Variants in SEZ6L observed in about 807,000 individuals in gnomAD.
SEZ6L encodes seizure related 6 homolog like, also known as seizure 6-like protein.
Under a neutral mutation model 106.2 loss-of-function variants are expected in SEZ6L, and 37 were observed. The observed-to-expected ratio is 0.35, with a 90% CI of 0.27 to 0.46. SEZ6L has a LOEUF of 0.46. Among genes scored for constraint, SEZ6L ranks in the 20% least tolerant of loss-of-function variants. SEZ6L has a pLI of 1.00. For synonymous variants in SEZ6L, 541 were observed against 570.4 expected (o/e 0.95, Z 0.73); for missense variants, 1,172 against 1,332.8 (o/e 0.88, Z 1.88).
At chr22:26,294,535 C>A (rs2081234875) in intron 3 of SEZ6L, 110 bp downstream of exon 3, 2 of 1,078,818 alleles carry the variant, frequency 1.9e-6, no homozygotes, top group Non-Finnish European at 2.7e-6. Context: ...TCTGTCTTTG[C>A]CCAACCAGGC....
At chr22:26,247,612 A>T (rs1269904486) in intron 1 of SEZ6L, among the ~76,000 whole-genome samples, 1 of 152,112 alleles carries the variant, frequency 6.6e-6, no homozygotes, top group African/African-American at 2.4e-5. Flanking sequence ...ACAAGGAAGG[A>T]TTCTTCCCCG....
intron 1 of SEZ6L, among the ~76,000 whole-genome samples, chr22:26,273,140 C>A (rs946276063): frequency 3.9e-5 from 6 of 152,240 alleles, no homozygotes; most frequent in African/African-American, 1.2e-4. Context: ...ATCTCTCTGC[C>A]TCTCTCTTCC....
chr22:26,185,019 G>A (rs1939677211), intron 1 of SEZ6L, among the ~76,000 whole-genome samples: 1 of 152,232 alleles, frequency 6.6e-6, no homozygotes, highest in African/African-American at 2.4e-5. Flanking sequence ...AGGTGGCAGA[G>A]GCTGCAGGGA....
chr22:26,292,148 G>GAAA (rs1305399012), intron 1 of SEZ6L: 9 of 405,046 alleles, frequency 2.2e-5, no homozygotes, highest in African/African-American at 1.3e-4. Context: ...AAGAAAGAAA[G>GAAA]GAAGGAAGGA....
chr22:26,193,837 C>G (rs1053402619), intron 1 of SEZ6L, among the ~76,000 whole-genome samples: 10 of 152,136 alleles, frequency 6.6e-5, no homozygotes, highest in Non-Finnish European at 1.5e-4. Context: ...GCAGTACACT[C>G]ATGTTGGGTA....
chr22:26,321,960 C>A (rs189662729), intron 9 of SEZ6L, among the ~76,000 whole-genome samples: 360 of 152,194 alleles, frequency 2.4e-3, no homozygotes, highest in African/African-American at 8.2e-3. Context: ...AATTAGTTAC[C>A]ATTTATTAAA....
chr22:26,217,500 C>A (rs1010773604), intron 1 of SEZ6L, among the ~76,000 whole-genome samples: 1 of 152,246 alleles, frequency 6.6e-6, no homozygotes, highest in Non-Finnish European at 1.5e-5. Context: ...CTCTTTCAGA[C>A]CTCAGTGTAA....
chr22:26,289,476 A>G (rs775373637), intron 1 of SEZ6L, among the ~76,000 whole-genome samples: 4 of 152,166 alleles, frequency 2.6e-5, no homozygotes, highest in Non-Finnish European at 5.9e-5. Flanking sequence ...TCAGCTCATA[A>G]CTGTAACAGG....
At position 26,218,539 on chromosome 22, in the gene SEZ6L, C is replaced by T. The variant is rs557977415; in HGVS notation, c.94+48776C>T. Among the ~76,000 whole-genome samples, 5 of 152,338 alleles carry T rather than the reference C, an allele frequency of 3.3e-5. 1 individual carries two copies. Among genetic ancestry groups the T allele is most frequent in the South Asian group, 4.1e-4 (2 of 4,830 alleles). Reference sequence around the variant, plus strand: ...GAAGTAGGCTGGGCGTGGTGGCTTACGCCTATAATCTTAGCAATTTGGGAG... The same window carrying T: ...GAAGTAGGCTGGGCGTGGTGGCTTATGCCTATAATCTTAGCAATTTGGGAG... On this transcript the variant is annotated intron_variant, in intron 1 of 16. Transcript: ENST00000248933.
intron 13 of SEZ6L, among the ~76,000 whole-genome samples, chr22:26,370,934 G>T (rs1219688714): frequency 1.3e-5 from 2 of 148,626 alleles, no homozygotes; most frequent in African/African-American, 5.0e-5. Context: ...AGCCCAGGAG[G>T]TTGAGGCTGC....
intron 1 of SEZ6L, among the ~76,000 whole-genome samples, chr22:26,224,679 A>G (rs2078584438): frequency 6.6e-6 from 1 of 152,222 alleles, no homozygotes; most frequent in South Asian, 2.1e-4. Flanking sequence ...AAGAGCATAC[A>G]GATACAGGAT....
chr22:26,223,245 C>A (rs75933260), intron 1 of SEZ6L, among the ~76,000 whole-genome samples: 16,173 of 152,010 alleles, frequency 0.11, 1,099 homozygotes, highest in South Asian at 0.3. Context: ...CTATGTGAAC[C>A]AAGTCTCCTG....
At chr22:26,277,405 G>T (rs2080585337) in intron 1 of SEZ6L, among the ~76,000 whole-genome samples, 1 of 152,184 alleles carries the variant, frequency 6.6e-6, no homozygotes, top group Admixed American at 6.5e-5. Context: ...GTTGTTTAGG[G>T]TGGCAAAAAT....
chr22:26,241,655 G>A (rs1374567672), intron 1 of SEZ6L, among the ~76,000 whole-genome samples: 2 of 152,182 alleles, frequency 1.3e-5, no homozygotes, highest in East Asian at 3.8e-4. Flanking sequence ...GCACCTGTTT[G>A]GGAAGAAGGC....
intron 1 of SEZ6L, among the ~76,000 whole-genome samples, chr22:26,241,888 G>C (rs1490644778): frequency 6.6e-6 from 1 of 152,132 alleles, no homozygotes; most frequent in Non-Finnish European, 1.5e-5. Context: ...GACAAGCTAG[G>C]CTCCCTTAAG....
chr22:26,316,650 G>A (rs1344010685), intron 9 of SEZ6L, among the ~76,000 whole-genome samples: 2 of 152,014 alleles, frequency 1.3e-5, no homozygotes, highest in Non-Finnish European at 2.9e-5. Flanking sequence ...CAGCCAACAT[G>A]GTGAAACACC....
At position 26,315,606 on chromosome 22, in the gene SEZ6L, C is replaced by T. The variant is rs145154954; in HGVS notation, c.2015+1704C>T. Among the ~76,000 whole-genome samples, 609 of 152,062 alleles carry T rather than the reference C, an allele frequency of 4.0e-3. 10 individuals are homozygous for T. The highest frequency in any genetic ancestry group is 0.014 in the African/African-American group (583 of 41,486). On this transcript the variant is annotated intron_variant, in intron 9 of 16. Coordinates refer to ENST00000248933, the MANE Select transcript of SEZ6L (RefSeq NM_021115.5). ...CAGGCCAATCTAAGAAAGAATTCCA[C>T]CTCCTTCCCATGTGACTTTGGGCTG...
Position 26,274,782 on chromosome 22 carries a change from G to A in SEZ6L, c.95-17624G>A, listed in dbSNP as rs746586377. Among the ~76,000 whole-genome samples the A allele has an allele frequency of 1.3e-3, 193 of 152,342 alleles. 4 individuals carry two copies. The highest frequency in any genetic ancestry group is 8.7e-4 in the Non-Finnish European group (59 of 68,034). The stretch of plus-strand genomic sequence containing the variant: ...GGACAGCACTTCTGCCAGCAATGGT[G>A]TTGTGGCGACACCCACAGAGTATTG... On this transcript the variant is annotated intron_variant, in intron 1 of 16. Coordinates refer to ENST00000248933, the MANE Select transcript of SEZ6L (RefSeq NM_021115.5).
intron 10 of SEZ6L, among the ~76,000 whole-genome samples, chr22:26,342,950 T>C (rs1345273249): frequency 6.6e-6 from 1 of 152,182 alleles, no homozygotes; most frequent in African/African-American, 2.4e-5. Flanking sequence ...ACATTTTTCA[T>C]CCCTGCCTGC....
Sources: allele counts gnomAD v4.1 joint callset (sites outside exome capture counted in the v4.1 genomes callset), GRCh38; gene constraint gnomAD v4.1.1; transcripts MANE v1.5; gene names NCBI Gene and HGNC (gene_info 2026-07-23, HGNC 2026-07-21).